MRPS27: variants seen among roughly 807,000 people sequenced by gnomAD.
MRPS27 encodes mitochondrial ribosomal protein S27.
Under a neutral mutation model 48.9 loss-of-function variants are expected in MRPS27, and 43 were observed. The ratio of observed to expected loss-of-function variants is 0.88; its 90% CI spans 0.69 to 1.13. The LOEUF is 1.13. MRPS27 is among the 50% of genes most tolerant of loss of function. The probability of loss-of-function intolerance (pLI) is 0.00; values close to 1 mark genes in which losing one functional copy is unlikely to be tolerated. For synonymous variants in MRPS27, 188 were observed against 171.9 expected, an observed-to-expected ratio of 1.09 and a Z score of -0.73; for missense variants, 467 against 476.3, an observed-to-expected ratio of 0.98 and a Z score of 0.18.
intron 4 of MRPS27, among the ~76,000 whole-genome samples, chr5:72,245,702 G>A (rs961336324): frequency 1.3e-5 from 2 of 152,200 alleles, no homozygotes; most frequent in African/African-American, 4.8e-5. Flanking sequence ...CAGGCAAAGA[G>A]CCTGGCCCAG....
At chr5:72,238,182 A>T in intron 4 of MRPS27, 54 bp from the exon 5 acceptor site, 4 of 1,207,140 alleles carry the variant, frequency 3.3e-6, no homozygotes, top group Non-Finnish European at 4.9e-6. Context: ...ATGTTAAAAC[A>T]CATCTTCCAT....
At chr5:72,319,990 G>A in intron 1 of MRPS27, 159 bp downstream of exon 1, 1 of 695,254 alleles carries the variant, frequency 1.4e-6, no homozygotes, top group South Asian at 1.8e-5. Context: ...GAAGGAAATG[G>A]ATCAGATACC....
intron 4 of MRPS27, chr5:72,294,761 T>C (rs1749932427): frequency 6.6e-6 from 1 of 151,264 alleles, no homozygotes; most frequent in African/African-American, 2.4e-5. Flanking sequence ...AATAGGTACA[T>C]AACAGTTCAC....
intron 3 of MRPS27, among the ~76,000 whole-genome samples, chr5:72,295,945 T>C (rs1749968268): frequency 6.6e-6 from 1 of 152,210 alleles, no homozygotes. Context: ...ATTTTCTTTA[T>C]GTTCCAAACA....
chr5:72,242,431 A>AG (rs1748378523), intron 4 of MRPS27, among the ~76,000 whole-genome samples: 1 of 150,990 alleles, frequency 6.6e-6, no homozygotes, highest in Non-Finnish European at 1.5e-5. Context: ...CAAGAGTGAA[A>AG]AAAAAAAAAA....
intron 1 of MRPS27, among the ~76,000 whole-genome samples, chr5:72,315,542 G>A (rs1750544114): frequency 6.7e-6 from 1 of 148,606 alleles, no homozygotes; most frequent in South Asian, 2.1e-4. Context: ...GGGCAACAGA[G>A]TGAGACTCTG....
chr5:72,270,311 C>T (rs1749204841), intron 4 of MRPS27, among the ~76,000 whole-genome samples: 1 of 150,770 alleles, frequency 6.6e-6, no homozygotes, highest in Admixed American at 6.6e-5. Flanking sequence ...TAATTAAAGG[C>T]TATTCCTTAA....
chr5:72,281,548 G>T (rs1321797964), intron 4 of MRPS27, among the ~76,000 whole-genome samples: 3 of 152,142 alleles, frequency 2.0e-5, no homozygotes, highest in African/African-American at 7.2e-5. Context: ...TGAAAATCAG[G>T]GTAAGTTTAT....
chr5:72,294,386 C>T (rs1172044437), intron 4 of MRPS27, among the ~76,000 whole-genome samples: 1 of 152,048 alleles, frequency 6.6e-6, no homozygotes, highest in African/African-American at 2.4e-5. Context: ...TTGATCAAAA[C>T]AAGCAAGATC....
intron 4 of MRPS27, among the ~76,000 whole-genome samples, chr5:72,247,252 C>T (rs1365041303): frequency 6.6e-6 from 1 of 152,196 alleles, no homozygotes; most frequent in Non-Finnish European, 1.5e-5. Flanking sequence ...ACAAAATACA[C>T]TTGAACTCTG....
At chr5:72,314,041 G>T in intron 2 of MRPS27, 40 bp downstream of exon 2, 2 of 1,438,902 alleles carry the variant, frequency 1.4e-6, no homozygotes, top group South Asian at 2.4e-5. Context: ...CATACAGAGT[G>T]ACCGAAAATG....
intron 5 of MRPS27, among the ~76,000 whole-genome samples, chr5:72,236,313 T>C (rs1748197831): frequency 6.6e-6 from 1 of 152,160 alleles, no homozygotes; most frequent in Non-Finnish European, 1.5e-5. Context: ...ATCACTGATT[T>C]ACTACAACCC....
intron 1 of MRPS27, among the ~76,000 whole-genome samples, chr5:72,316,385 T>C (rs1399254810): frequency 6.6e-6 from 1 of 152,202 alleles, no homozygotes; most frequent in African/African-American, 2.4e-5. Context: ...TTGTTTGTTT[T>C]TGAGATGGAG....
At chr5:72,309,414 C>T (rs547961397) in intron 2 of MRPS27, among the ~76,000 whole-genome samples, 1 of 151,876 alleles carries the variant, frequency 6.6e-6, no homozygotes, top group African/African-American at 2.4e-5. Context: ...TACAGGTGTG[C>T]GCCACCACGC....
chr5:72,244,814 C>T (rs1473903057), intron 4 of MRPS27, among the ~76,000 whole-genome samples: 3 of 152,020 alleles, frequency 2.0e-5, no homozygotes, highest in African/African-American at 7.3e-5. Context: ...TTAAAGATGA[C>T]ATCTCTCCCT....
intron 4 of MRPS27, among the ~76,000 whole-genome samples, chr5:72,250,175 T>C (rs940950289): frequency 9.8e-5 from 15 of 152,316 alleles, no homozygotes; most frequent in African/African-American, 3.6e-4. Context: ...ATCCAACTTT[T>C]CTCTCTTCTT....
intron 2 of MRPS27, among the ~76,000 whole-genome samples, chr5:72,304,631 C>A (rs1580115053): frequency 6.6e-6 from 1 of 152,134 alleles, no homozygotes; most frequent in South Asian, 2.1e-4. Flanking sequence ...TAACCTGGTG[C>A]ACACCAAAGT....
intron 2 of MRPS27, among the ~76,000 whole-genome samples, chr5:72,305,813 TCA>T (rs1750248795): frequency 6.6e-6 from 1 of 152,238 alleles, no homozygotes; most frequent in Non-Finnish European, 1.5e-5. Flanking sequence ...TGAGTCCTGT[TCA>T]CAGTGGATCC....
At position 72,246,108 on chromosome 5, in the gene MRPS27, C is replaced by CA. The variant is rs3214680; in HGVS notation, c.282-7981dup. On this transcript the variant is annotated intron_variant, in intron 4 of 10. Coordinates refer to ENST00000261413, the MANE Select transcript of MRPS27 (RefSeq NM_015084.3). ...CATTTTGCGTCTACAAACAAGTGAA[C>CA]AAGGACTCAAGTAGGTGCCTGATAA... 3.3e-5 allele frequency among the ~76,000 whole-genome samples: 5 copies of CA among 152,166 alleles called. No individual in the cohort carries two copies. In the East Asian group the frequency reaches 9.6e-4, roughly 29 times the overall value.
Sources: gnomAD v4.1 joint callset for allele counts (sites outside exome capture counted in the v4.1 genomes callset) on GRCh38, gnomAD v4.1.1 for gene constraint, MANE v1.5 for transcripts, NCBI Gene and HGNC (gene_info 2026-07-23, HGNC 2026-07-21) for gene names.